DOCK3: variants seen among roughly 807,000 people sequenced by gnomAD.
DOCK3 encodes the protein dedicator of cytokinesis protein 3.
DOCK3 carries 60 observed loss-of-function variants against 265.6 expected under a neutral mutation model. The observed-to-expected ratio is 0.23, with a 90% CI of 0.18 to 0.28. The LOEUF (loss-of-function observed/expected upper bound fraction) is 0.28, where lower values mean the gene tolerates loss of function less well. DOCK3 is among the 10% of genes least tolerant of loss of function. The pLI is 1.00. For synonymous variants in DOCK3, 881 were observed against 938.0 expected (o/e 0.94, Z 1.11); for missense variants, 1,981 against 2,594.3 (o/e 0.76, Z 5.14).
Position 51,276,299 on chromosome 3 carries a change from C to G in DOCK3, c.2676+1093C>G, listed in dbSNP as rs911503063. The G allele has an allele frequency of 3.2e-6, 3 of 932,248 alleles. No individual in the cohort carries two copies. The African/African-American group carries it at 5.4e-5, about 17-fold the overall frequency. 57.7% of individuals were successfully genotyped at this position (932,248 alleles called of 1,614,324 possible). On this transcript the variant is annotated intron_variant, in intron 25 of 52. Transcript: ENST00000266037. ...CAGGTAAGACTTGGCAGCTCTTCTT[C>G]CCACCAGGCCTCAGAGAAGCCACAC...
intron 9 of DOCK3, among the ~76,000 whole-genome samples, chr3:51,144,611 T>TTGTTCCTTATTTGTTC (rs1482925917): frequency 6.6e-6 from 1 of 152,214 alleles, no homozygotes; most frequent in Non-Finnish European, 1.5e-5. Context: ...CCCTGCTTAT[T>TTGTTCCTTATTTGTTC]CCCATTTGTT....
At chr3:51,064,700 A>C (rs1320324492) in intron 6 of DOCK3, 104 bp downstream of exon 6, 2 of 1,391,430 alleles carry the variant, frequency 1.4e-6, no homozygotes, top group Admixed American at 2.2e-5. Context: ...ATTCAAAGGC[A>C]ATGTTATATT....
intron 23 of DOCK3, among the ~76,000 whole-genome samples, chr3:51,264,684 G>A (rs533893707): frequency 6.6e-5 from 10 of 151,926 alleles, no homozygotes; most frequent in African/African-American, 1.2e-4. Context: ...AAAATTAGCC[G>A]GGCATGGTGG....
chr3:51,124,559 A>T (rs2084178326), intron 9 of DOCK3, among the ~76,000 whole-genome samples: 1 of 152,182 alleles, frequency 6.6e-6, no homozygotes, highest in Non-Finnish European at 1.5e-5. Flanking sequence ...TATCAAGAAG[A>T]AGGAAAGACA....
chr3:51,379,579 G>C lies in DOCK3; in HGVS notation c.5501-546G>C, dbSNP rs1396110410. ...CCCGAAGCCTGCTGCATGGTAAGAA[G>C]ACCTCCAGCGGGTCCCCCGATAGTC... On this transcript the variant is annotated intron_variant, in intron 51 of 52. Transcript: ENST00000266037. 3.0e-6 allele frequency: 3 copies of C among 985,358 alleles called. No homozygotes were observed. The African/African-American group carries it at 5.2e-5, about 17-fold the overall frequency. The allele number at this position is 985,358 out of a possible 1,614,324, so 61.0% of individuals were successfully genotyped here.
intron 5 of DOCK3, among the ~76,000 whole-genome samples, chr3:51,061,161 T>G (rs905977178): frequency 1.3e-5 from 2 of 152,190 alleles, no homozygotes; most frequent in African/African-American, 4.8e-5. Context: ...TGGCGATTCC[T>G]CAGGGATCTA....
intron 3 of DOCK3, among the ~76,000 whole-genome samples, chr3:50,847,634 A>G (rs2046145707): frequency 6.6e-6 from 1 of 152,108 alleles, no homozygotes; most frequent in Non-Finnish European, 1.5e-5. Context: ...CTGTAATTCT[A>G]GCACTTTGGG....
intron 19 of DOCK3, among the ~76,000 whole-genome samples, chr3:51,229,928 T>C (rs1307145131): frequency 6.6e-6 from 1 of 152,232 alleles, no homozygotes; most frequent in African/African-American, 2.4e-5. Context: ...CATTGCACGT[T>C]CTACTTCTAT....
intron 5 of DOCK3, among the ~76,000 whole-genome samples, chr3:51,061,823 A>G (rs2081421646): frequency 6.6e-6 from 1 of 152,120 alleles, no homozygotes; most frequent in African/African-American, 2.4e-5. Context: ...TTCCTCTGCT[A>G]AATACTTCTC....
At chr3:50,960,268 A>G (rs185974785) in intron 5 of DOCK3, among the ~76,000 whole-genome samples, 5 of 152,326 alleles carry the variant, frequency 3.3e-5, no homozygotes, top group Non-Finnish European at 1.5e-5. Context: ...TTTTAAAGAA[A>G]CTTTCAAAAT....
intron 2 of DOCK3, among the ~76,000 whole-genome samples, chr3:50,820,150 G>T (rs1230640242): frequency 6.6e-6 from 1 of 152,146 alleles, no homozygotes; most frequent in Admixed American, 6.5e-5. Flanking sequence ...AGCCCATGCC[G>T]CTGCTCTGTC....
intron 1 of DOCK3, among the ~76,000 whole-genome samples, chr3:50,710,172 T>C (rs1015936123): frequency 1.1e-4 from 17 of 152,148 alleles, no homozygotes; most frequent in Non-Finnish European, 2.2e-4. Flanking sequence ...AGATGGGACC[T>C]AATTAAACTA....
chr3:50,683,478 C>T (rs13094785), intron 1 of DOCK3, among the ~76,000 whole-genome samples: 130,304 of 152,180 alleles, frequency 0.86, 56,078 homozygotes, highest in East Asian at 0.95. Flanking sequence ...GGAATTATGT[C>T]TAGTGTATAA....
In DOCK3 at chr3:51,041,072, A is replaced by G. The variant is rs1367805689; in HGVS notation, c.316-23376A>G. Among the ~76,000 whole-genome samples, 3 of 149,676 alleles carry G rather than the reference A, an allele frequency of 2.0e-5. No homozygotes were observed. The Admixed American group carries it at 2.0e-4, about 10-fold the overall frequency. On this transcript the variant is annotated intron_variant, in intron 5 of 52. Coordinates refer to ENST00000266037, the MANE Select transcript of DOCK3 (RefSeq NM_004947.5). ...AGAATTGCTCTTAATGGCCTCTAGA[A>G]TAGTGAATCCTTTCTAGAAGATTTT...
At chr3:51,134,195 G>A (rs2084691247) in intron 9 of DOCK3, among the ~76,000 whole-genome samples, 1 of 152,036 alleles carries the variant, frequency 6.6e-6, no homozygotes, top group Admixed American at 6.5e-5. Context: ...GGGCATTTAG[G>A]TTGATTCCCT....
chr3:51,367,093 A>G (rs937648991), intron 49 of DOCK3, among the ~76,000 whole-genome samples: 1 of 152,242 alleles, frequency 6.6e-6, no homozygotes, highest in Non-Finnish European at 1.5e-5. Flanking sequence ...GTGGGCTGTT[A>G]AAGTCTCCCA....
intron 1 of DOCK3, among the ~76,000 whole-genome samples, chr3:50,682,865 G>A (rs1029543558): frequency 6.6e-6 from 1 of 152,250 alleles, no homozygotes; most frequent in Non-Finnish European, 1.5e-5. Context: ...CTTGAACCTG[G>A]GAGGCGGAGG....
At chr3:50,835,503 C>G (rs898666401) in intron 2 of DOCK3, among the ~76,000 whole-genome samples, 1 of 152,156 alleles carries the variant, frequency 6.6e-6, no homozygotes, top group African/African-American at 2.4e-5. Flanking sequence ...AGGATCAAAA[C>G]AAGACAACAA....
At chr3:51,271,831 A>G (rs2080511871) in intron 24 of DOCK3, among the ~76,000 whole-genome samples, 1 of 149,790 alleles carries the variant, frequency 6.7e-6, no homozygotes, top group African/African-American at 2.5e-5. Context: ...AGCCTGAGCA[A>G]CAGAGCGAGA....
Sources: gnomAD v4.1 joint callset for allele counts (sites outside exome capture counted in the v4.1 genomes callset) on GRCh38, gnomAD v4.1.1 for gene constraint, MANE v1.5 for transcripts, NCBI Gene and HGNC (gene_info 2026-07-23, HGNC 2026-07-21) for gene names.